SPTLC3: variants seen among roughly 807,000 people sequenced by gnomAD.
SPTLC3 encodes serine palmitoyltransferase long chain base subunit 3, also known as serine palmitoyltransferase 3.
Under a neutral mutation model 59.3 loss-of-function variants are expected in SPTLC3, and 36 were observed. The observed-to-expected ratio is 0.61, with a 90% confidence interval of 0.47 to 0.80. The LOEUF (loss-of-function observed/expected upper bound fraction) is 0.80, where lower values mean the gene tolerates loss of function less well. Ranked by LOEUF, SPTLC3 falls within the 30% of genes least tolerant of loss-of-function variation. SPTLC3 has a pLI of 0.00. For missense variants in SPTLC3, 625 were observed against 685.1 expected (o/e 0.91, Z 0.98); for synonymous variants, 257 against 240.8 (o/e 1.07, Z -0.62).
intron 4 of SPTLC3, among the ~76,000 whole-genome samples, chr20:13,080,336 C>T (rs995219287): frequency 2.0e-5 from 3 of 151,768 alleles, no homozygotes; most frequent in South Asian, 2.1e-4. Flanking sequence ...GGTGAAACCC[C>T]GTCTCTACTA....
intron 11 of SPTLC3, among the ~76,000 whole-genome samples, chr20:13,160,881 AG>A (rs1377359033): frequency 6.6e-6 from 1 of 152,228 alleles, no homozygotes; most frequent in Non-Finnish European, 1.5e-5. Context: ...AGAGTGGAGA[AG>A]ATTCACAGGG....
chr20:13,046,179 G>A (rs1220252803), intron 1 of SPTLC3, among the ~76,000 whole-genome samples: 1 of 152,104 alleles, frequency 6.6e-6, no homozygotes, highest in Non-Finnish European at 1.5e-5. Flanking sequence ...TCTGTCCCAA[G>A]CCTACTGCTC....
In SPTLC3 at chr20:13,124,431, T is replaced by C. The variant is rs183820447; in HGVS notation, c.1153-2160T>C. ...GAAGAAACAGATTTAAATAAAGAAT[T>C]TGAAATGAAAAGAGAGAGAACTAGA... On this transcript the variant is annotated intron_variant, in intron 8 of 11. Transcript: ENST00000399002. Among the ~76,000 whole-genome samples, 86 of 149,940 alleles carry C rather than the reference T, an allele frequency of 5.7e-4. 1 individual carries two copies. Among genetic ancestry groups the C allele is most frequent in the African/African-American group, 1.9e-3 (78 of 40,664 alleles).
chr20:13,062,532 G>A (rs185499739), intron 2 of SPTLC3, among the ~76,000 whole-genome samples: 31 of 152,236 alleles, frequency 2.0e-4, no homozygotes, highest in Non-Finnish European at 3.5e-4. Flanking sequence ...GTGAATGAGC[G>A]GGTTAAGACA....
intron 8 of SPTLC3, 57 bp downstream of exon 8, chr20:13,117,782 T>A: frequency 6.9e-7 from 1 of 1,457,670 alleles, no homozygotes; most frequent in South Asian, 1.3e-5. Flanking sequence ...GGATGCCGTG[T>A]GTAGGGCTTC....
intron 10 of SPTLC3, among the ~76,000 whole-genome samples, chr20:13,157,540 C>T (rs2038803003): frequency 6.6e-6 from 1 of 152,078 alleles, no homozygotes; most frequent in Non-Finnish European, 1.5e-5. Flanking sequence ...CTTTTGAACA[C>T]ACAGCACAAC....
intron 7 of SPTLC3, among the ~76,000 whole-genome samples, chr20:13,114,166 T>G (rs1335335649): frequency 6.6e-6 from 1 of 152,218 alleles, no homozygotes; most frequent in Non-Finnish European, 1.5e-5. Context: ...CCTTTACCAT[T>G]AACCTATCTA....
At chr20:13,147,269 T>A (rs1394451808) in intron 9 of SPTLC3, among the ~76,000 whole-genome samples, 2 of 152,156 alleles carry the variant, frequency 1.3e-5, no homozygotes, top group Admixed American at 1.3e-4. Flanking sequence ...CTGATAAAAA[T>A]GTGCATTCCT....
chr20:13,091,012 T>G, intron 4 of SPTLC3, 71 bp from the exon 5 acceptor site: 2 of 1,589,536 alleles, frequency 1.3e-6, no homozygotes, highest in Non-Finnish European at 1.7e-6. Context: ...GTGTACGTAC[T>G]GGAATTTGAG....
intron 2 of SPTLC3, among the ~76,000 whole-genome samples, chr20:13,071,256 C>T (rs1006915698): frequency 6.6e-6 from 1 of 152,194 alleles, no homozygotes; most frequent in Non-Finnish European, 1.5e-5. Flanking sequence ...AAACAAAAGA[C>T]ATCATTCTAT....
intron 2 of SPTLC3, among the ~76,000 whole-genome samples, chr20:13,057,030 G>A (rs113707222): frequency 6.6e-6 from 1 of 152,072 alleles, no homozygotes; most frequent in East Asian, 1.9e-4. Context: ...ATGAGCCACC[G>A]CACCTGGCTC....
intron 2 of SPTLC3, among the ~76,000 whole-genome samples, chr20:13,064,278 T>TTTTG (rs1555790495): frequency 2.2e-5 from 3 of 136,926 alleles, no homozygotes; most frequent in African/African-American, 5.7e-5. Flanking sequence ...TTTCTTTTTT[T>TTTTG]TTTTTGTTTT....
At chr20:13,100,373 G>C (rs1313837176) in intron 6 of SPTLC3, among the ~76,000 whole-genome samples, 1 of 152,110 alleles carries the variant, frequency 6.6e-6, no homozygotes, top group Non-Finnish European at 1.5e-5. Context: ...AACACCGAAA[G>C]TCTATTTCCT....
chr20:13,105,180 G>A (rs555189638), intron 6 of SPTLC3, among the ~76,000 whole-genome samples: 1 of 152,248 alleles, frequency 6.6e-6, no homozygotes, highest in Non-Finnish European at 1.5e-5. Flanking sequence ...CTAAGGTGGG[G>A]CCAGAATCCA....
intron 11 of SPTLC3, chr20:13,164,479 T>C (rs2038958199): frequency 3.8e-6 from 2 of 533,092 alleles, no homozygotes; most frequent in Non-Finnish European, 7.2e-6. Context: ...TAAGCATGGG[T>C]CACATGTTTT....
Position 13,167,839 on chromosome 20 carries a change from C to G in SPTLC3, c.*2972C>G, listed in dbSNP as rs2039003254. 6.6e-6 allele frequency: 1 copy of G among 152,172 alleles called. No homozygotes were observed. Among genetic ancestry groups the G allele is most frequent in the Admixed American group, 6.5e-5 (1 of 15,274 alleles). The allele number at this position is 152,172 out of a possible 1,614,324, so 9.4% of individuals were successfully genotyped here. A position where few individuals can be genotyped will look rare whatever the true frequency, so the allele number is the denominator to read the frequency against. ...GGAATCTACATTTTTAACCAGCCTTCCTGCGTGATTCTAATCTATGCCAAA... is the reference window on the plus strand; with the variant it reads ...GGAATCTACATTTTTAACCAGCCTTGCTGCGTGATTCTAATCTATGCCAAA... On this transcript the variant is annotated 3_prime_UTR_variant, in exon 12 of 12. Transcript: ENST00000399002.
intron 1 of SPTLC3, among the ~76,000 whole-genome samples, chr20:13,037,730 T>C (rs2122457937): frequency 6.6e-6 from 1 of 152,264 alleles, no homozygotes; most frequent in Non-Finnish European, 1.5e-5. Flanking sequence ...GGTGGATTAA[T>C]CAGGATAAAT....
intron 1 of SPTLC3, among the ~76,000 whole-genome samples, chr20:13,030,883 A>G (rs1020614339): frequency 6.6e-6 from 1 of 152,072 alleles, no homozygotes; most frequent in Admixed American, 6.6e-5. Context: ...CTTTTTCTGA[A>G]CTAGGTCAGA....
intron 1 of SPTLC3, among the ~76,000 whole-genome samples, chr20:13,031,908 C>A (rs530965821): frequency 1.3e-5 from 2 of 152,156 alleles, no homozygotes; most frequent in African/African-American, 2.4e-5. Context: ...TGTCTTTTCC[C>A]GCTTCATAAC....
Sources: allele counts gnomAD v4.1 joint callset (sites outside exome capture counted in the v4.1 genomes callset), GRCh38; gene constraint gnomAD v4.1.1; transcripts MANE v1.5; gene names NCBI Gene and HGNC (gene_info 2026-07-23, HGNC 2026-07-21).